The following TMEM255B variants were observed in gnomAD, a reference collection of about 807,000 sequenced individuals.
TMEM255B encodes transmembrane protein 255B, also known as family with sequence similarity 70, member B.
In TMEM255B, 35 loss-of-function variants were observed where a neutral mutation model predicts 34.5. The ratio of observed to expected loss-of-function variants is 1.01; its 90% CI spans 0.77 to 1.34. TMEM255B has a LOEUF of 1.34. TMEM255B is among the 40% of genes most tolerant of loss of function. The pLI, the probability that TMEM255B is intolerant of heterozygous loss-of-function variation, is 0.00. For synonymous variants in TMEM255B, 206 were observed against 201.2 expected (o/e 1.02, Z -0.20); for missense variants, 432 against 433.2 (o/e 1.00, Z 0.02).
At chr13:113,807,029 G>A (rs1227516896) in intron 8 of TMEM255B, among the ~76,000 whole-genome samples, 4 of 152,192 alleles carry the variant, frequency 2.6e-5, no homozygotes, top group African/African-American at 4.8e-5. Flanking sequence ...GAGACAACAC[G>A]TGGTTCCATC....
chr13:113,801,880 T>A lies in TMEM255B; in HGVS notation c.669+68T>A. The A allele has an allele frequency of 6.2e-6, 9 of 1,457,048 alleles. 1 individual carries two copies. The South Asian group carries it at 1.2e-4, about 20-fold the overall frequency. The allele number at this position is 1,457,048 out of a possible 1,614,324, so 90.3% of individuals were successfully genotyped here. On this transcript the variant is annotated intron_variant, in intron 7 of 8. Transcript: ENST00000375353. ...GGGCTCCGGGTCCATTTCCCCGGGG[T>A]GGGCTGGGGGGCCTCCAGCCCTCAC...
At chr13:113,775,697 G>A (rs575818144) in intron 3 of TMEM255B, among the ~76,000 whole-genome samples, 8 of 152,344 alleles carry the variant, frequency 5.3e-5, no homozygotes, top group Admixed American at 2.6e-4. Flanking sequence ...GAGCACAGGC[G>A]GAGCATGGGC....
At chr13:113,796,109 A>G (rs2050927565) in intron 4 of TMEM255B, among the ~76,000 whole-genome samples, 1 of 145,604 alleles carries the variant, frequency 6.9e-6, no homozygotes, top group Admixed American at 6.8e-5. Flanking sequence ...CACACAACAC[A>G]CAGAGCACAC....
At chr13:113,800,298 C>G (rs2051025797) in intron 5 of TMEM255B, among the ~76,000 whole-genome samples, 1 of 57,384 alleles carries the variant, frequency 1.7e-5, no homozygotes, top group African/African-American at 8.5e-5. Context: ...GGGGAGGCGT[C>G]CTCTGTGTGT....
At position 113,811,757 on chromosome 13, in the gene TMEM255B, G is replaced by A; in HGVS notation, c.835G>A (p.Ala279Thr). 6.2e-7 allele frequency: 1 copy of A among 1,613,748 alleles called. No individual in the cohort carries two copies. The highest frequency in any genetic ancestry group is 8.5e-7 in the Non-Finnish European group (1 of 1,179,844). ...GCAGCCCTGCAGCCGCTTCCCAGTT[G>A]CGCCCTCCTCTGCCCTGGCTTCGTC... Reference protein sequence around the residue: ...PLQPCSRFPVAPSSALASSED... With the variant: ...PLQPCSRFPVTPSSALASSED... Residue 279 changes from alanine to threonine, a missense_variant, in exon 9 of 9, where the codon GCG (alanine) becomes ACG (threonine). Coordinates refer to ENST00000375353, the MANE Select transcript of TMEM255B (RefSeq NM_182614.4).
intron 4 of TMEM255B, among the ~76,000 whole-genome samples, chr13:113,796,525 A>C (rs1387555285): frequency 6.6e-6 from 1 of 151,752 alleles, no homozygotes; most frequent in Non-Finnish European, 1.5e-5. Context: ...CAGCACACAC[A>C]CCACACAGAG....
At chr13:113,766,532 G>A (rs939828328) in intron 2 of TMEM255B, 14 of 527,248 alleles carry the variant, frequency 2.7e-5, no homozygotes, top group Middle Eastern at 3.2e-4. Context: ...GGGTTGGCCC[G>A]ATGTGGTCAC....
At chr13:113,796,085 C>T (rs1243846189) in intron 4 of TMEM255B, among the ~76,000 whole-genome samples, 2 of 136,900 alleles carry the variant, frequency 1.5e-5, no homozygotes, top group African/African-American at 5.6e-5. Flanking sequence ...CACAACAGAG[C>T]ACACAGCACA....
intron 3 of TMEM255B, 29 bp from the exon 4 acceptor site, chr13:113,795,119 G>A: frequency 6.2e-7 from 1 of 1,605,238 alleles, no homozygotes; most frequent in Non-Finnish European, 8.5e-7. Flanking sequence ...GGTAAAAGCT[G>A]GGCACCCACA....
At chr13:113,787,852 G>A (rs2050769049) in intron 3 of TMEM255B, among the ~76,000 whole-genome samples, 1 of 150,442 alleles carries the variant, frequency 6.6e-6, no homozygotes, top group Admixed American at 6.6e-5. Flanking sequence ...GCAGATTTGG[G>A]CTTGGTGACC....
At chr13:113,792,965 G>C (rs573810375) in intron 3 of TMEM255B, among the ~76,000 whole-genome samples, 69 of 152,354 alleles carry the variant, frequency 4.5e-4, no homozygotes, top group South Asian at 1.2e-3. Context: ...GGGGACGCTG[G>C]AGCGTCCGTG....
chr13:113,786,500 A>G (rs1273270669), intron 3 of TMEM255B, among the ~76,000 whole-genome samples: 4 of 147,382 alleles, frequency 2.7e-5, no homozygotes, highest in Non-Finnish European at 6.0e-5. Context: ...CACCATCATC[A>G]CCATCACCAT....
At chr13:113,794,922 C>T (rs74498441) in intron 3 of TMEM255B, among the ~76,000 whole-genome samples, 13 of 152,360 alleles carry the variant, frequency 8.5e-5, no homozygotes, top group Non-Finnish European at 1.3e-4. Flanking sequence ...AACGCCCTTC[C>T]GTGCAGAAGG....
chr13:113,798,454 G>C (rs998062349), intron 4 of TMEM255B, among the ~76,000 whole-genome samples: 2 of 150,562 alleles, frequency 1.3e-5, no homozygotes, highest in Non-Finnish European at 3.0e-5. Context: ...TGAATCGAAG[G>C]ATGGATAATG....
chr13:113,796,804 A>G (rs1321099756), intron 4 of TMEM255B, among the ~76,000 whole-genome samples: 1 of 152,210 alleles, frequency 6.6e-6, no homozygotes, highest in Non-Finnish European at 1.5e-5. Flanking sequence ...CTCTTTTTCC[A>G]TAAATCACAC....
At chr13:113,759,923 G>T (rs1051223723) in intron 1 of TMEM255B, among the ~76,000 whole-genome samples, 1 of 152,188 alleles carries the variant, frequency 6.6e-6, no homozygotes, top group Non-Finnish European at 1.5e-5. Flanking sequence ...GGCAAAGGCT[G>T]GGAAAACAGG....
intron 7 of TMEM255B, among the ~76,000 whole-genome samples, chr13:113,802,107 T>C (rs1044628387): frequency 6.6e-6 from 1 of 152,244 alleles, no homozygotes; most frequent in Non-Finnish European, 1.5e-5. Context: ...CCAGCCCTTG[T>C]GCACTAAGCT....
Position 113,813,005 on chromosome 13 carries a change from A to G in TMEM255B, c.*1102A>G, listed in dbSNP as rs111937498. 7,576 of 103,018 alleles carry G rather than the reference A, an allele frequency of 0.074. 878 individuals are homozygous for G. The highest frequency in any genetic ancestry group is 0.22 in the African/African-American group (4,187 of 19,172). 6.4% of individuals were successfully genotyped at this position (103,018 alleles called of 1,614,324 possible). On this transcript the variant is annotated 3_prime_UTR_variant, in exon 9 of 9. Transcript: ENST00000375353. ...GGTCCCGGGTGGGTCACGGGTCCCG[A>G]GTGGGTCACGGGTCCCGGGTGGGTC...
Position 113,769,067 on chromosome 13 carries a change from T to G in TMEM255B, c.190-31T>G, listed in dbSNP as rs775640790. The G allele has an allele frequency of 3.1e-6, 5 of 1,612,612 alleles. No homozygotes were observed. The highest frequency in any genetic ancestry group is 4.2e-6 in the Non-Finnish European group (5 of 1,178,606). ...TTAAGCTTCTAGGCACGTTAATGAG[T>G]GTTTCTCTCTCGTTCTTCCTTTGGT... On this transcript the variant is annotated intron_variant, in intron 2 of 8. Transcript: ENST00000375353. This position sits in a 1 kb window ranked among gnomAD's most constrained non-coding sequence, Gnocchi z 4.2.
Sources: allele counts gnomAD v4.1 joint callset (sites outside exome capture counted in the v4.1 genomes callset), GRCh38; gene constraint gnomAD v4.1.1; non-coding constraint Gnocchi (gnomAD v3.1); transcripts MANE v1.5; gene names NCBI Gene and HGNC (gene_info 2026-07-23, HGNC 2026-07-21).